INPP5B: variants seen among roughly 807,000 people sequenced by gnomAD.
INPP5B encodes the protein inositol polyphosphate-5-phosphatase B, also known as type II inositol 1,4,5-trisphosphate 5-phosphatase.
INPP5B carries 90 observed loss-of-function variants against 118.5 expected under a neutral mutation model. The observed-to-expected ratio is 0.76, with a 90% CI of 0.64 to 0.90. The LOEUF (loss-of-function observed/expected upper bound fraction) is 0.90, where lower values mean the gene tolerates loss of function less well. Ranked by LOEUF, INPP5B falls within the 40% of genes least tolerant of loss-of-function variation. The pLI, the probability that INPP5B is intolerant of heterozygous loss-of-function variation, is 0.00. For synonymous variants in INPP5B, 385 were observed against 418.9 expected (o/e 0.92, Z 0.99); for missense variants, 984 against 1,125.6 (o/e 0.87, Z 1.80).
intron 14 of INPP5B, among the ~76,000 whole-genome samples, chr1:37,880,583 G>A (rs928237790): frequency 3.3e-5 from 5 of 151,996 alleles, no homozygotes; most frequent in Admixed American, 1.3e-4. Flanking sequence ...GATTACAGGC[G>A]CATGCCACCA....
At chr1:37,888,375 C>T (rs201349318) in intron 9 of INPP5B, 31 bp from the exon 10 acceptor site, 7 of 1,348,918 alleles carry the variant, frequency 5.2e-6, no homozygotes, top group African/African-American at 4.5e-5. Flanking sequence ...TTAGTGACTC[C>T]GAATCACTAT....
intron 9 of INPP5B, among the ~76,000 whole-genome samples, chr1:37,888,961 A>G (rs1309134035): frequency 6.6e-6 from 1 of 152,244 alleles, no homozygotes; most frequent in African/African-American, 2.4e-5. Context: ...GGGATACATA[A>G]GAATCAAGAG....
rs1646011267 is a variant in INPP5B at position 37,943,551 on chromosome 1, G to GCAA, written c.280+88_280+89insTTG. 3.6e-6 allele frequency: 5 copies of GCAA among 1,400,084 alleles called. No individual in the cohort carries two copies. In the South Asian group the frequency reaches 6.2e-5, roughly 17 times the overall value. 86.7% of individuals were successfully genotyped at this position (1,400,084 alleles called of 1,614,324 possible). A position where few individuals can be genotyped will look rare whatever the true frequency, so the allele number is the denominator to read the frequency against. ...CTTACTTGCTGCAATAAGTTTAGCA[G>GCAA]GGGGTGCTCTTACTTTACACCATTC... On this transcript the variant is annotated intron_variant, in intron 5 of 23. Transcript: ENST00000373024.
chr1:37,886,133 C>A (rs915202864), intron 12 of INPP5B, among the ~76,000 whole-genome samples: 2 of 151,808 alleles, frequency 1.3e-5, no homozygotes, highest in African/African-American at 4.8e-5. Context: ...GCTGAGATCA[C>A]GCCACTGCAC....
At chr1:37,897,709 GAAA>G (rs966516644) in intron 7 of INPP5B, among the ~76,000 whole-genome samples, 16 of 149,512 alleles carry the variant, frequency 1.1e-4, no homozygotes, top group Non-Finnish European at 2.1e-4. Context: ...CCCTCTGCGA[GAAA>G]CACCCAAGAA....
chr1:37,933,373 C>A (rs1169590315), intron 6 of INPP5B, among the ~76,000 whole-genome samples: 1 of 152,052 alleles, frequency 6.6e-6, no homozygotes, highest in Non-Finnish European at 1.5e-5. Flanking sequence ...ATGGTGAAAC[C>A]CTGTCTCCAC....
chr1:37,938,000 C>T (rs1404886265), intron 6 of INPP5B, among the ~76,000 whole-genome samples: 5 of 146,436 alleles, frequency 3.4e-5, no homozygotes, highest in South Asian at 2.1e-4. Flanking sequence ...AAGCTGGACA[C>T]GGTGGCTCAT....
intron 7 of INPP5B, chr1:37,929,013 A>G (rs959320965): frequency 6.6e-6 from 1 of 152,136 alleles, no homozygotes; most frequent in Non-Finnish European, 1.5e-5. Flanking sequence ...GATGACCCAA[A>G]CAGAACTGGA....
At chr1:37,910,137 C>T (rs1001368696) in intron 7 of INPP5B, among the ~76,000 whole-genome samples, 6 of 152,182 alleles carry the variant, frequency 3.9e-5, no homozygotes, top group Non-Finnish European at 5.9e-5. Context: ...TGACACTGCC[C>T]GATCGCCTCG....
rs751876841 is a variant in INPP5B, at chr1:37,943,850, C to T, written c.196G>A (p.Asp66Asn). The change falls in exon 4 of 24, where the codon GAT (aspartate) becomes AAT (asparagine). Residue 66 changes from aspartate to asparagine, a missense_variant. Transcript: ENST00000373024. The stretch of plus-strand genomic sequence containing the variant: ...GGCACTATCTGGTCCAGAGAGACAT[C>T]GTCCCCGGTAATGGCCATCCTCCGG... ...THRRMAITGD[D>N]VSLDQIVPVS... The T allele has an allele frequency of 7.4e-6, 12 of 1,614,022 alleles. No homozygotes were observed. The highest frequency in any genetic ancestry group is 1.1e-5 in the South Asian group (1 of 91,088).
At chr1:37,882,688 G>A in intron 14 of INPP5B, 119 bp downstream of exon 14, 1 of 677,944 alleles carries the variant, frequency 1.5e-6, no homozygotes. Flanking sequence ...ACAACATCAG[G>A]AACTCAGGGA....
chr1:37,931,644 C>T, intron 7 of INPP5B: 1 of 1,534,908 alleles, frequency 6.5e-7, no homozygotes, highest in Non-Finnish European at 8.7e-7. Context: ...GCCCAGCTCC[C>T]CAGCCCAGCT....
intron 7 of INPP5B, among the ~76,000 whole-genome samples, chr1:37,899,929 T>G (rs545205785): frequency 4.6e-5 from 7 of 151,900 alleles, no homozygotes; most frequent in Admixed American, 4.6e-4. Flanking sequence ...TTAGCCGGGA[T>G]GATCTCGGTC....
chr1:37,940,893 T>G (rs1645884339), intron 5 of INPP5B, 95 bp from the exon 6 acceptor site: 1 of 798,178 alleles, frequency 1.3e-6, no homozygotes, highest in Non-Finnish European at 2.1e-6. Context: ...CAACCCAGAC[T>G]CCCAAAGCCC....
chr1:37,907,960 C>T lies in INPP5B; in HGVS notation c.533-16506G>A, dbSNP rs927887771. Among the ~76,000 whole-genome samples the T allele has an allele frequency of 4.6e-5, 7 of 152,152 alleles. No individual in the cohort carries two copies. The highest frequency in any genetic ancestry group is 1.0e-4 in the Non-Finnish European group (7 of 68,024). ...ATTCCACCATTGTGATTTGTTCCTG[C>T]CCCACCCTAAGTGATAGGCTATGTT... On this transcript the variant is annotated intron_variant, in intron 7 of 23. Transcript: ENST00000373024. The surrounding 1 kb of genome is among the most constrained non-coding windows in gnomAD (Gnocchi z 4.3).
intron 7 of INPP5B, among the ~76,000 whole-genome samples, chr1:37,926,329 C>T (rs1052860054): frequency 2.0e-5 from 3 of 150,546 alleles, no homozygotes; most frequent in African/African-American, 7.3e-5. Context: ...GTCTCACTGT[C>T]GTCAGGCTGG....
intron 9 of INPP5B, among the ~76,000 whole-genome samples, chr1:37,889,068 C>A (rs1329323953): frequency 6.6e-6 from 1 of 152,110 alleles, no homozygotes; most frequent in African/African-American, 2.4e-5. Flanking sequence ...ATGTGGGCAA[C>A]ACAGTGCGAC....
intron 20 of INPP5B, among the ~76,000 whole-genome samples, chr1:37,868,243 G>A (rs1285247491): frequency 6.6e-6 from 1 of 151,412 alleles, no homozygotes; most frequent in Admixed American, 6.6e-5. Flanking sequence ...AACCCAGGAG[G>A]CGGAGGTTGC....
At chr1:37,897,008 G>A (rs1223127017) in intron 7 of INPP5B, among the ~76,000 whole-genome samples, 3 of 140,784 alleles carry the variant, frequency 2.1e-5, no homozygotes, top group Non-Finnish European at 4.7e-5. Context: ...CGCCCGGCCA[G>A]CCGCCCCGTC....
Sources: gnomAD v4.1 joint callset for allele counts (sites outside exome capture counted in the v4.1 genomes callset) on GRCh38, gnomAD v4.1.1 for gene constraint, Gnocchi (gnomAD v3.1) non-coding constraint, MANE v1.5 for transcripts, NCBI Gene and HGNC (gene_info 2026-07-23, HGNC 2026-07-21) for gene names.